Variants in FOXK1 observed in about 807,000 individuals in gnomAD.
The protein encoded by FOXK1 is forkhead box K1.
Under a neutral mutation model 51.9 loss-of-function variants are expected in FOXK1, and 19 were observed. The ratio of observed to expected loss-of-function variants is 0.37; its 90% CI spans 0.26 to 0.54. FOXK1 has a LOEUF of 0.54. FOXK1 is among the 20% of genes least tolerant of loss of function. The probability of loss-of-function intolerance (pLI) is 0.87; values close to 1 mark genes in which losing one functional copy is unlikely to be tolerated. For synonymous variants in FOXK1, 537 were observed against 482.6 expected (o/e 1.11, Z -1.48); for missense variants, 870 against 1,032.7 (o/e 0.84, Z 2.16).
rs994171564 is a variant in FOXK1, at chr7:4,722,681, C to T, written c.561-18157C>T. ...GAAACGGGATTTTCCTTGGGTGAAA[C>T]GAGGAAGTCGTAGGAGACCCACCTC... On this transcript the variant is annotated intron_variant, in intron 1 of 8. Coordinates refer to ENST00000328914, the MANE Select transcript of FOXK1 (RefSeq NM_001037165.2). The surrounding 1 kb of genome is among the most constrained non-coding windows in gnomAD (Gnocchi z 5.1). Among the ~76,000 whole-genome samples the T allele has an allele frequency of 6.6e-5, 10 of 152,196 alleles. No homozygotes were observed. Among genetic ancestry groups the T allele is most frequent in the African/African-American group, 1.7e-4 (7 of 41,448 alleles).
At chr7:4,710,555 A>G (rs1275868342) in intron 1 of FOXK1, among the ~76,000 whole-genome samples, 3 of 152,226 alleles carry the variant, frequency 2.0e-5, no homozygotes, top group Admixed American at 1.3e-4. Flanking sequence ...AGCTTGGGCA[A>G]CAGAGTGAGA....
intron 1 of FOXK1, among the ~76,000 whole-genome samples, chr7:4,685,068 A>G (rs1779801481): frequency 6.6e-6 from 1 of 151,782 alleles, no homozygotes; most frequent in South Asian, 2.1e-4. Flanking sequence ...TGCTTGGCCC[A>G]CTGCGCCTGT....
In FOXK1 at chr7:4,683,573, G is replaced by C. The variant is rs1438070548; in HGVS notation, c.560+705G>C. 6.6e-6 allele frequency among the ~76,000 whole-genome samples: 1 copy of C among 151,418 alleles called. No individual in the cohort carries two copies. The highest frequency in any genetic ancestry group is 2.4e-5 in the African/African-American group (1 of 41,196). Reference sequence around the variant, plus strand: ...CTGGGGATCACCCTCAACCCTTCCAGGTCACCCTGGACCCCCACCAGCTTG... The same window carrying C: ...CTGGGGATCACCCTCAACCCTTCCACGTCACCCTGGACCCCCACCAGCTTG... On this transcript the variant is annotated intron_variant, in intron 1 of 8. Coordinates refer to ENST00000328914, the MANE Select transcript of FOXK1 (RefSeq NM_001037165.2). The surrounding 1 kb of genome is among the most constrained non-coding windows in gnomAD (Gnocchi z 4.5).
At chr7:4,727,732 G>T (rs887103760) in intron 1 of FOXK1, among the ~76,000 whole-genome samples, 2 of 152,200 alleles carry the variant, frequency 1.3e-5, no homozygotes, top group Non-Finnish European at 2.9e-5. Flanking sequence ...GTCACTCCTC[G>T]ATGTCACATC....
In FOXK1 at chr7:4,730,353, C is replaced by T. The variant is rs1022993002; in HGVS notation, c.561-10485C>T. Among the ~76,000 whole-genome samples, 2 of 152,316 alleles carry T rather than the reference C, an allele frequency of 1.3e-5. No homozygotes were observed. Among genetic ancestry groups the T allele is most frequent in the South Asian group, 4.1e-4 (2 of 4,824 alleles). On this transcript the variant is annotated intron_variant, in intron 1 of 8. Coordinates refer to ENST00000328914, the MANE Select transcript of FOXK1 (RefSeq NM_001037165.2). The surrounding 1 kb of genome is among the most constrained non-coding windows in gnomAD (Gnocchi z 4.7). ...AGGCACAGAGCTGTGTCTCTGACCA[C>T]CCTGCTACCCAGCTTGCCACCGCTG... is the stretch of plus-strand genomic sequence containing the variant.
rs1314299902 is a variant in FOXK1, at chr7:4,707,372, CAATT to C, written c.560+24507_560+24510del. The stretch of plus-strand genomic sequence containing the variant: ...GGGACGGAGAGTGCAATTTACATAA[CAATT>C]AAGCTAGTTTAGTACATCCGGCAAT... On this transcript the variant is annotated intron_variant, in intron 1 of 8. Coordinates refer to ENST00000328914, the MANE Select transcript of FOXK1 (RefSeq NM_001037165.2). This position sits in a 1 kb window ranked among gnomAD's most constrained non-coding sequence, Gnocchi z 4.1. Among the ~76,000 whole-genome samples the C allele has an allele frequency of 6.6e-6, 1 of 152,338 alleles. No individual in the cohort carries two copies. The highest frequency in any genetic ancestry group is 1.5e-5 in the Non-Finnish European group (1 of 68,026).
chr7:4,755,160 C>A lies in FOXK1; in HGVS notation c.904-77C>A. 1 of 1,561,690 alleles carries A rather than the reference C, an allele frequency of 6.4e-7. No individual in the cohort carries two copies. On this transcript the variant is annotated intron_variant, in intron 3 of 8. Transcript: ENST00000328914. The surrounding 1 kb of genome is among the most constrained non-coding windows in gnomAD (Gnocchi z 6.6). ...ACATTCTCGTGGGAAGGTTCCTCCC[C>A]ATCAGCTGTGACGGGTGGGTGGGGT... is the stretch of plus-strand genomic sequence containing the variant.
In FOXK1 at chr7:4,749,444, C is replaced by T. The variant is rs563206279; in HGVS notation, c.747-5015C>T. On this transcript the variant is annotated intron_variant, in intron 2 of 8. Coordinates refer to ENST00000328914, the MANE Select transcript of FOXK1 (RefSeq NM_001037165.2). This position sits in a 1 kb window ranked among gnomAD's most constrained non-coding sequence, Gnocchi z 6.0. ...CAGGGGCTGGGGCAGGGACCCCAAG[C>T]GTCCTCCTCTGCAGGGAGGTTCCCC... 2.8e-4 allele frequency among the ~76,000 whole-genome samples: 42 copies of T among 152,328 alleles called. No homozygotes were observed. Among genetic ancestry groups the T allele is most frequent in the African/African-American group, 9.4e-4 (39 of 41,586 alleles).
At position 4,747,625 on chromosome 7, in the gene FOXK1, TC is replaced by T. The variant is rs1780722416; in HGVS notation, c.746+6605del. Among the ~76,000 whole-genome samples the T allele has an allele frequency of 6.6e-6, 1 of 152,130 alleles. No individual in the cohort carries two copies. The highest frequency in any genetic ancestry group is 2.1e-4 in the South Asian group (1 of 4,820). On this transcript the variant is annotated intron_variant, in intron 2 of 8. Transcript: ENST00000328914. This position sits in a 1 kb window ranked among gnomAD's most constrained non-coding sequence, Gnocchi z 9.2. ...GTCACAGCTCACTGCAACCTCAACCTCCCGGGCTCAAGCGATCCTCCCACTG... is the reference window on the plus strand; with the variant it reads ...GTCACAGCTCACTGCAACCTCAACCTCCGGGCTCAAGCGATCCTCCCACTG...
intron 1 of FOXK1, among the ~76,000 whole-genome samples, chr7:4,724,900 C>G (rs1205289484): frequency 6.6e-6 from 1 of 152,228 alleles, no homozygotes; most frequent in Non-Finnish European, 1.5e-5. Flanking sequence ...GCATTGCTGG[C>G]CCCCAGCTGC....
At chr7:4,712,980 A>G (rs1451264237) in intron 1 of FOXK1, among the ~76,000 whole-genome samples, 3 of 152,180 alleles carry the variant, frequency 2.0e-5, no homozygotes, top group African/African-American at 7.2e-5. Context: ...TTTAAAATAC[A>G]TTAAAGAGGG....
At position 4,729,851 on chromosome 7, in the gene FOXK1, C is replaced by T. The variant is rs904814566; in HGVS notation, c.561-10987C>T. On this transcript the variant is annotated intron_variant, in intron 1 of 8. Coordinates refer to ENST00000328914, the MANE Select transcript of FOXK1 (RefSeq NM_001037165.2). This position sits in a 1 kb window ranked among gnomAD's most constrained non-coding sequence, Gnocchi z 6.2. ...CTAACAATACAAAAACTAGCCAGGC[C>T]TGGTAGTGGGTACCAGTAATCCTAG... Among the ~76,000 whole-genome samples the T allele has an allele frequency of 6.6e-6, 1 of 152,094 alleles. No individual in the cohort carries two copies. The highest frequency in any genetic ancestry group is 1.5e-5 in the Non-Finnish European group (1 of 68,004).
intron 2 of FOXK1, among the ~76,000 whole-genome samples, chr7:4,742,129 G>T (rs538579741): frequency 6.6e-6 from 1 of 152,258 alleles, no homozygotes; most frequent in African/African-American, 2.4e-5. Flanking sequence ...TTTCTGCGTC[G>T]CTCGCGCGTC....
chr7:4,683,191 C>T lies in FOXK1; in HGVS notation c.560+323C>T, dbSNP rs1779775458. 6.6e-6 allele frequency among the ~76,000 whole-genome samples: 1 copy of T among 151,614 alleles called. No individual in the cohort carries two copies. The highest frequency in any genetic ancestry group is 2.4e-5 in the African/African-American group (1 of 41,288). On this transcript the variant is annotated intron_variant, in intron 1 of 8. Transcript: ENST00000328914. This position sits in a 1 kb window ranked among gnomAD's most constrained non-coding sequence, Gnocchi z 4.5. Reference sequence around the variant, plus strand: ...AGCCCTGACCCACACCTTGCGGCTCCTGGGGTCACCCCTGACCTCATCTCC... The same window carrying T: ...AGCCCTGACCCACACCTTGCGGCTCTTGGGGTCACCCCTGACCTCATCTCC...
In FOXK1 at chr7:4,753,086, G is replaced by T. The variant is rs1018822349; in HGVS notation, c.747-1373G>T. Among the ~76,000 whole-genome samples the T allele has an allele frequency of 6.6e-6, 1 of 152,214 alleles. No individual in the cohort carries two copies. Among genetic ancestry groups the T allele is most frequent in the African/African-American group, 2.4e-5 (1 of 41,440 alleles). ...TATCTCTGCCATATTTGGGGAGTCC[G>T]TTGTAAGAGAGAATGGGAATTCCAG... On this transcript the variant is annotated intron_variant, in intron 2 of 8. Transcript: ENST00000328914. This position sits in a 1 kb window ranked among gnomAD's most constrained non-coding sequence, Gnocchi z 4.9.
At chr7:4,716,420 C>T (rs1031020580) in intron 1 of FOXK1, among the ~76,000 whole-genome samples, 1 of 152,092 alleles carries the variant, frequency 6.6e-6, no homozygotes, top group African/African-American at 2.4e-5. Context: ...GCAGGAGGAT[C>T]ACTTGAGCCT....
At position 4,759,583 on chromosome 7, in the gene FOXK1, A is replaced by G. The variant is rs1321201001; in HGVS notation, c.1684A>G (p.Ser562Gly). Residue 562 changes from serine (S) to glycine (G), a missense_variant, in exon 7 of 9, where the codon AGC (serine) becomes GGC (glycine). Coordinates refer to ENST00000328914, the MANE Select transcript of FOXK1 (RefSeq NM_001037165.2). ...AAGAAVLDLG[S>G]EARGLEEKPT... ...GGGCGCAGCCGTGCTGGACCTGGGC[A>G]GCGAGGCCAGAGGTAATGCAGCCGC... 2 of 1,536,668 alleles carry G rather than the reference A, an allele frequency of 1.3e-6. No homozygotes were observed. The highest frequency in any genetic ancestry group is 1.7e-6 in the Non-Finnish European group (2 of 1,146,838).
At chr7:4,742,494 G>C (rs946036828) in intron 2 of FOXK1, among the ~76,000 whole-genome samples, 2 of 152,176 alleles carry the variant, frequency 1.3e-5, no homozygotes, top group Admixed American at 1.3e-4. Context: ...ATAGCTCGCT[G>C]CAGCCTCCAA....
chr7:4,750,797 C>T (rs1202792683), intron 2 of FOXK1, among the ~76,000 whole-genome samples: 4 of 151,862 alleles, frequency 2.6e-5, no homozygotes, highest in African/African-American at 7.3e-5. Context: ...CTCTGCCTCC[C>T]GGGTTCAAGC....
Sources: allele counts gnomAD v4.1 joint callset (sites outside exome capture counted in the v4.1 genomes callset), GRCh38; gene constraint gnomAD v4.1.1; non-coding constraint Gnocchi (gnomAD v3.1); transcripts MANE v1.5; gene names NCBI Gene and HGNC (gene_info 2026-07-23, HGNC 2026-07-21).